Variants in SPOCK3 observed in about 807,000 individuals in gnomAD.
The protein encoded by SPOCK3 is testican-3.
In SPOCK3, 30 loss-of-function variants were observed where a neutral mutation model predicts 56.6. That is an observed-to-expected ratio of 0.53 (90% CI 0.40 to 0.72). SPOCK3 has a LOEUF of 0.72. Ranked by LOEUF, SPOCK3 falls within the 30% of genes least tolerant of loss-of-function variation. The pLI, the probability that SPOCK3 is intolerant of heterozygous loss-of-function variation, is 0.00. For missense variants in SPOCK3, 527 were observed against 530.0 expected, an observed-to-expected ratio of 0.99 and a Z score of 0.06; for synonymous variants, 196 against 183.3, an observed-to-expected ratio of 1.07 and a Z score of -0.56.
chr4:167,034,895 C>A (rs900927731), intron 3 of SPOCK3, among the ~76,000 whole-genome samples: 13 of 152,120 alleles, frequency 8.5e-5, no homozygotes, highest in Non-Finnish European at 1.5e-5. Flanking sequence ...AATTTTGAGA[C>A]TCTTCCTGTG....
intron 6 of SPOCK3, among the ~76,000 whole-genome samples, chr4:166,876,309 C>G (rs1043657919): frequency 6.6e-6 from 1 of 152,070 alleles, no homozygotes; most frequent in Non-Finnish European, 1.5e-5. Flanking sequence ...CTGGTGTTTT[C>G]TTACAATTTG....
intron 4 of SPOCK3, among the ~76,000 whole-genome samples, chr4:166,926,733 T>G (rs1172840978): frequency 1.3e-5 from 2 of 152,168 alleles, no homozygotes; most frequent in African/African-American, 2.4e-5. Context: ...ATGTATGGAA[T>G]AATTATTTTT....
chr4:167,015,284 AATCT>A (rs1750510766), intron 3 of SPOCK3, among the ~76,000 whole-genome samples: 3 of 152,140 alleles, frequency 2.0e-5, no homozygotes, highest in Non-Finnish European at 4.4e-5. Context: ...TCACTACTGG[AATCT>A]AAATACTCTA....
chr4:166,963,126 T>A (rs928878999), intron 4 of SPOCK3, among the ~76,000 whole-genome samples: 1 of 152,054 alleles, frequency 6.6e-6, no homozygotes, highest in Non-Finnish European at 1.5e-5. Flanking sequence ...CTGATTTTTT[T>A]AAGCTTCAGC....
At chr4:166,911,541 G>GT (rs1343793116) in intron 5 of SPOCK3, among the ~76,000 whole-genome samples, 1 of 151,848 alleles carries the variant, frequency 6.6e-6, no homozygotes, top group Non-Finnish European at 1.5e-5. Flanking sequence ...TTTTGTTTTT[G>GT]TTTTTTGTTT....
chr4:166,742,256 T>TCTAC (rs1734944892), intron 8 of SPOCK3, among the ~76,000 whole-genome samples, 197 bp from the exon 9 acceptor site: 1 of 151,914 alleles, frequency 6.6e-6, no homozygotes, highest in South Asian at 2.1e-4. Context: ...TATCTATCTA[T>TCTAC]CTATCTATCT....
rs992826267 is a variant in SPOCK3, at chr4:166,733,590, C to T, written c.*1331G>A. 1 of 151,916 alleles carries T rather than the reference C, an allele frequency of 6.6e-6. No individual in the cohort carries two copies. The highest frequency in any genetic ancestry group is 1.5e-5 in the Non-Finnish European group (1 of 67,744). The allele number at this position is 151,916 out of a possible 1,614,324, so 9.4% of individuals were successfully genotyped here. On this transcript the variant is annotated 3_prime_UTR_variant, in exon 11 of 11. Coordinates refer to ENST00000357545, the MANE Select transcript of SPOCK3 (RefSeq NM_001040159.2). ...TGAAATTAAAGATACCAATACGTAA[C>T]ATTCAACAGGTTTTTCCATTTTTAT...
chr4:167,030,121 C>T (rs572055414), intron 3 of SPOCK3, among the ~76,000 whole-genome samples: 4 of 151,108 alleles, frequency 2.6e-5, no homozygotes, highest in African/African-American at 9.8e-5. Context: ...ATCTATCTAT[C>T]TATCTATCTT....
chr4:166,985,638 A>G (rs1454494193), intron 4 of SPOCK3, among the ~76,000 whole-genome samples: 1 of 152,140 alleles, frequency 6.6e-6, no homozygotes, highest in Middle Eastern at 3.2e-3. Flanking sequence ...TGACTATAAA[A>G]TGATAATAAT....
rs773615785 is a variant in SPOCK3 at position 166,792,205 on chromosome 4, T to C, written c.674A>G (p.Lys225Arg). ...AGGCCTCAGCAATGTTTTTGTCTTC[T>C]TGTTTTGACTTCCACTTTCATGAAG... ...KALHESGSQN[K>R]KTKTLLRPER... Residue 225 changes from lysine to arginine, a missense_variant, in exon 7 of 11, where the codon AAG (lysine) becomes AGG (arginine). Transcript: ENST00000357545. 6 of 1,613,978 alleles carry C rather than the reference T, an allele frequency of 3.7e-6. No homozygotes were observed. In the South Asian group the frequency reaches 6.6e-5, roughly 18 times the overall value.
chr4:167,055,405 CT>C (rs753098369), intron 3 of SPOCK3, among the ~76,000 whole-genome samples: 2 of 152,166 alleles, frequency 1.3e-5, no homozygotes, highest in Non-Finnish European at 2.9e-5. Context: ...GCATTTCCAT[CT>C]GAGGTACTGG....
chr4:167,233,276 A>T (rs1399006340), intron 2 of SPOCK3, among the ~76,000 whole-genome samples: 2 of 150,778 alleles, frequency 1.3e-5, no homozygotes, highest in Non-Finnish European at 3.0e-5. Context: ...CCTTTTGAAA[A>T]CTCCCCAGGG....
chr4:167,109,089 ATAAATATTATATATTTATAT>A (rs1760529117), intron 2 of SPOCK3, among the ~76,000 whole-genome samples: 1 of 14,282 alleles, frequency 7.0e-5, no homozygotes, highest in African/African-American at 3.3e-4. Flanking sequence ...AAAAATATAT[ATAAATATTATATATTTATAT>A]AAAAATATAT....
At chr4:167,036,020 C>T (rs571126976) in intron 3 of SPOCK3, among the ~76,000 whole-genome samples, 13 of 152,310 alleles carry the variant, frequency 8.5e-5, no homozygotes, top group African/African-American at 1.4e-4. Flanking sequence ...TTCCGCTGAA[C>T]GCAGCTCCCA....
At chr4:167,176,616 C>T (rs750321849) in intron 2 of SPOCK3, among the ~76,000 whole-genome samples, 1 of 152,084 alleles carries the variant, frequency 6.6e-6, no homozygotes, top group African/African-American at 2.4e-5. Flanking sequence ...GTGCTTCCAT[C>T]TCTTTCAGTT....
chr4:166,965,314 T>G (rs1744595216), intron 4 of SPOCK3, among the ~76,000 whole-genome samples: 1 of 151,934 alleles, frequency 6.6e-6, no homozygotes, highest in Non-Finnish European at 1.5e-5. Flanking sequence ...CTCTCTTTCT[T>G]TCCTTACCCT....
Position 166,734,801 on chromosome 4 carries a change from A to G in SPOCK3, c.*120T>C. 1.2e-6 allele frequency: 1 copy of G among 852,962 alleles called. No individual in the cohort carries two copies. Among genetic ancestry groups the G allele is most frequent in the Non-Finnish European group, 1.7e-6 (1 of 576,162 alleles). The allele number at this position is 852,962 out of a possible 1,614,324, so 52.8% of individuals were successfully genotyped here. A position where few individuals can be genotyped will look rare whatever the true frequency, so the allele number is the denominator to read the frequency against. ...TTTAGCTGCAATTTTTCAAATAATT[A>G]TACAAAATATATGTGAGGTTTAGAA... is the stretch of plus-strand genomic sequence containing the variant. On this transcript the variant is annotated 3_prime_UTR_variant, in exon 11 of 11. Transcript: ENST00000357545.
Position 166,997,945 on chromosome 4 carries a change from C to T in SPOCK3, c.350+2404G>A, listed in dbSNP as rs183718275. 9.7e-4 allele frequency among the ~76,000 whole-genome samples: 147 copies of T among 152,232 alleles called. 2 individuals are homozygous for T. In the East Asian group the frequency reaches 0.023, roughly 24 times the overall value. The stretch of plus-strand genomic sequence containing the variant: ...AATGGACAAAAATTGATCAATTAAG[C>T]CGTCTTTCCCTGCTTTCTCTACCAC... On this transcript the variant is annotated intron_variant, in intron 4 of 10. Transcript: ENST00000357545.
chr4:167,227,821 C>T (rs543897595), intron 2 of SPOCK3, among the ~76,000 whole-genome samples: 126 of 152,188 alleles, frequency 8.3e-4, no homozygotes, highest in African/African-American at 2.8e-3. Flanking sequence ...ATCATAAGAT[C>T]TAAAAGCATC....
Sources: allele counts gnomAD v4.1 joint callset (sites outside exome capture counted in the v4.1 genomes callset), GRCh38; gene constraint gnomAD v4.1.1; transcripts MANE v1.5; gene names NCBI Gene and HGNC (gene_info 2026-07-23, HGNC 2026-07-21).